The following MBNL3 variants were observed in gnomAD, a reference collection of about 807,000 sequenced individuals.
MBNL3 encodes muscleblind like splicing regulator 3, also known as muscleblind-like protein 3.
In MBNL3, 6 loss-of-function variants were observed where a neutral mutation model predicts 24.5. The observed-to-expected ratio is 0.25, with a 90% CI of 0.13 to 0.48. MBNL3 has a LOEUF of 0.48. MBNL3 is among the 20% of genes least tolerant of loss of function. MBNL3 has a pLI of 0.99. For missense variants in MBNL3, 230 were observed against 293.5 expected (o/e 0.78, Z 1.58); for synonymous variants, 100 against 101.7 (o/e 0.98, Z 0.10).
chrX:132,468,850 G>T (rs1947024509), intron 1 of MBNL3, among the ~76,000 whole-genome samples: 1 of 112,078 alleles, frequency 8.9e-6, no homozygotes, highest in Non-Finnish European at 1.9e-5. Context: ...AGAGATTTTG[G>T]CACATTAAAA....
Position 132,396,533 on chromosome X carries a change from CA to C in MBNL3, c.343-4200del, listed in dbSNP as rs1569424210. On this transcript the variant is annotated intron_variant, in intron 3 of 8. Coordinates refer to ENST00000370853, the MANE Select transcript of MBNL3 (RefSeq NM_001386889.1). Reference sequence around the variant, plus strand: ...ATTCATATATATTCATATATATATTCATATATATATTCCTATATATTCCTAT... The same window carrying C: ...ATTCATATATATTCATATATATATTCTATATATATTCCTATATATTCCTAT... Among the ~76,000 whole-genome samples the C allele has an allele frequency of 1.4e-4, 8 of 56,492 alleles. 1 individual carries two copies. Among genetic ancestry groups the C allele is most frequent in the Admixed American group, 8.4e-4 (3 of 3,568 alleles). The allele number at this position is 56,492 out of a possible 115,157, so 49.1% of individuals were successfully genotyped here. A position where few individuals can be genotyped will look rare whatever the true frequency, so the allele number is the denominator to read the frequency against.
chrX:132,435,485 ATG>A (rs1945067626), intron 2 of MBNL3, among the ~76,000 whole-genome samples: 1 of 111,184 alleles, frequency 9.0e-6, no homozygotes, highest in Non-Finnish European at 1.9e-5. Flanking sequence ...GCAAATAGGG[ATG>A]AGTAAGTATT....
rs1036638845 is a variant in MBNL3, at chrX:132,379,361, G to C, written c.*305C>G. On this transcript the variant is annotated 3_prime_UTR_variant, in exon 9 of 9. Transcript: ENST00000370853. ...TCACTGTGGAAATACACTTAGCATG[G>C]TTATTAGAAAATCACAAAGAGTAAT... 2 of 236,248 alleles carry C rather than the reference G, an allele frequency of 8.5e-6. No homozygotes were observed. Among genetic ancestry groups the C allele is most frequent in the African/African-American group, 5.8e-5 (2 of 34,193 alleles). 19.5% of individuals were successfully genotyped at this position (236,248 alleles called of 1,213,427 possible). A position where few individuals can be genotyped will look rare whatever the true frequency, so the allele number is the denominator to read the frequency against.
intron 1 of MBNL3, among the ~76,000 whole-genome samples, chrX:132,474,759 C>T (rs1040705223): frequency 9.0e-6 from 1 of 111,594 alleles, no homozygotes; most frequent in Non-Finnish European, 1.9e-5. Context: ...CCTTCCTTCC[C>T]TTGATGCAAT....
In MBNL3 at chrX:132,378,009, ATATT is replaced by A. The variant is rs1934296888; in HGVS notation, c.*1653_*1656del. On this transcript the variant is annotated 3_prime_UTR_variant, in exon 9 of 9. Transcript: ENST00000370853. The stretch of plus-strand genomic sequence containing the variant: ...ATTTGGTTGTAAAATTCTTTCATAA[ATATT>A]AGTAATGTGAACTCAGCTGAGCTCT... 1 of 110,559 alleles carries A rather than the reference ATATT, an allele frequency of 9.0e-6. No individual in the cohort carries two copies. The highest frequency in any genetic ancestry group is 3.3e-5 in the African/African-American group (1 of 30,431). 9.1% of individuals were successfully genotyped at this position (110,559 alleles called of 1,213,427 possible). A position where few individuals can be genotyped will look rare whatever the true frequency, so the allele number is the denominator to read the frequency against.
intron 7 of MBNL3, 56 bp from the exon 8 acceptor site, chrX:132,382,328 C>T: frequency 1.0e-6 from 1 of 979,275 alleles, no homozygotes; most frequent in African/African-American, 1.9e-5. Flanking sequence ...TTTATGCAAC[C>T]ATAACATTTA....
At chrX:132,384,751 G>A in intron 6 of MBNL3, 53 bp from the exon 7 acceptor site, 1 of 953,533 alleles carries the variant, frequency 1.0e-6, no homozygotes, top group East Asian at 3.5e-5. Context: ...TGATTATTAA[G>A]GATTTACTGA....
At chrX:132,381,828 A>G (rs1935010731) in intron 8 of MBNL3, among the ~76,000 whole-genome samples, 1 of 112,113 alleles carries the variant, frequency 8.9e-6, no homozygotes, top group South Asian at 3.7e-4. Context: ...CAAAGTTTAA[A>G]CACAATAATC....
intron 3 of MBNL3, among the ~76,000 whole-genome samples, chrX:132,393,384 A>C (rs1206006722): frequency 2.7e-5 from 3 of 110,733 alleles, no homozygotes; most frequent in Non-Finnish European, 3.8e-5. Context: ...AAAAAAAAAA[A>C]ACCTCAGAAA....
At chrX:132,440,528 T>C (rs1235130704) in intron 1 of MBNL3, among the ~76,000 whole-genome samples, 1 of 111,790 alleles carries the variant, frequency 8.9e-6, no homozygotes, top group East Asian at 2.8e-4. Flanking sequence ...GATTTACTGT[T>C]GTAGTACAAG....
chrX:132,466,826 A>T (rs1200971339), intron 1 of MBNL3, among the ~76,000 whole-genome samples: 1 of 111,521 alleles, frequency 9.0e-6, no homozygotes, highest in Non-Finnish European at 1.9e-5. Flanking sequence ...CCTCATAGTA[A>T]ACCATGAGCC....
chrX:132,461,172 GA>G (rs1343267817), intron 1 of MBNL3, among the ~76,000 whole-genome samples: 4 of 111,658 alleles, frequency 3.6e-5, no homozygotes, highest in African/African-American at 1.3e-4. Flanking sequence ...GGATGAACAA[GA>G]AAAAAATAAA....
At chrX:132,388,422 CT>C (rs1164616676) in intron 5 of MBNL3, among the ~76,000 whole-genome samples, 1 of 112,338 alleles carries the variant, frequency 8.9e-6, no homozygotes, top group African/African-American at 3.2e-5. Flanking sequence ...AGAAGACCTA[CT>C]TATCTGGTTG....
chrX:132,397,897 A>G (rs908481993), intron 3 of MBNL3, among the ~76,000 whole-genome samples: 3 of 111,242 alleles, frequency 2.7e-5, no homozygotes, highest in Non-Finnish European at 5.7e-5. Context: ...GGAGACCCAC[A>G]TAACCTCCAG....
At chrX:132,436,588 T>C (rs778428533) in intron 2 of MBNL3, among the ~76,000 whole-genome samples, 49 of 112,187 alleles carry the variant, frequency 4.4e-4, no homozygotes, top group Non-Finnish European at 8.8e-4. Flanking sequence ...AGTACACAGA[T>C]GAAGTTCAAC....
At chrX:132,486,627 C>T (rs1246268708) in intron 1 of MBNL3, among the ~76,000 whole-genome samples, 1 of 112,118 alleles carries the variant, frequency 8.9e-6, no homozygotes, top group Non-Finnish European at 1.9e-5. Flanking sequence ...AAATGCCTTC[C>T]GTTTAAATTA....
rs759070710 is a variant in MBNL3 at position 132,386,644 on chromosome X, T to A, written c.922+17A>T. The stretch of plus-strand genomic sequence containing the variant: ...ACATCACCAAACTCGCTGCAGTGCC[T>A]AGAGCTGTGTTCTCACCTGCAGGGA... On this transcript the variant is annotated intron_variant, in intron 6 of 8. Coordinates refer to ENST00000370853, the MANE Select transcript of MBNL3 (RefSeq NM_001386889.1). 1 of 1,208,027 alleles carries A rather than the reference T, an allele frequency of 8.3e-7. No homozygotes were observed. The highest frequency in any genetic ancestry group is 3.0e-5 in the East Asian group (1 of 33,726).
intron 1 of MBNL3, among the ~76,000 whole-genome samples, chrX:132,487,948 G>A (rs1237871809): frequency 9.0e-6 from 1 of 111,572 alleles, no homozygotes; most frequent in Non-Finnish European, 1.9e-5. Flanking sequence ...CATTATATCA[G>A]TAATCACCCA....
chrX:132,413,710 G>A, intron 2 of MBNL3: 3 of 755,960 alleles, frequency 4.0e-6, no homozygotes, highest in Admixed American at 4.1e-5. Context: ...CCCACCCACC[G>A]GTGGCGCAAC....
Sources: gnomAD v4.1 joint callset for allele counts (sites outside exome capture counted in the v4.1 genomes callset) on GRCh38, gnomAD v4.1.1 for gene constraint, MANE v1.5 for transcripts, NCBI Gene and HGNC (gene_info 2026-07-23, HGNC 2026-07-21) for gene names.